Variants in LIFR observed in about 807,000 individuals in gnomAD.
LIFR encodes LIF receptor subunit alpha, also known as leukemia inhibitory factor receptor.
LIFR carries 84 observed loss-of-function variants against 122.2 expected under a neutral mutation model. The ratio of observed to expected loss-of-function variants is 0.69; its 90% CI spans 0.58 to 0.82. The LOEUF is 0.82. Ranked by LOEUF, LIFR falls within the 40% of genes least tolerant of loss-of-function variation. The pLI is 0.00. For synonymous variants in LIFR, 422 were observed against 434.7 expected (o/e 0.97, Z 0.36); for missense variants, 1,294 against 1,311.6 (o/e 0.99, Z 0.21).
intron 1 of LIFR, among the ~76,000 whole-genome samples, chr5:38,583,808 A>G (rs1310742087): frequency 1.3e-5 from 2 of 152,196 alleles, no homozygotes; most frequent in African/African-American, 4.8e-5. Context: ...GGAGGGATCC[A>G]GTGGGAGATA....
chr5:38,607,195 G>C (rs890850920), intron 1 of LIFR, among the ~76,000 whole-genome samples: 1 of 152,060 alleles, frequency 6.6e-6, no homozygotes, highest in Non-Finnish European at 1.5e-5. Flanking sequence ...TCTTAGAATC[G>C]TCTTATATTT....
chr5:38,539,241 G>A (rs1224132728), intron 1 of LIFR, among the ~76,000 whole-genome samples: 5 of 152,104 alleles, frequency 3.3e-5, no homozygotes, highest in Non-Finnish European at 5.9e-5. Flanking sequence ...GAGCCACCGC[G>A]CCCGGCCTTC....
chr5:38,571,304 C>T (rs1749199726), intron 1 of LIFR, among the ~76,000 whole-genome samples: 1 of 152,178 alleles, frequency 6.6e-6, no homozygotes, highest in East Asian at 1.9e-4. Flanking sequence ...GTAAGCCCAG[C>T]ACTTTGGGAG....
chr5:38,547,815 CCTAG>C (rs1380326415), intron 1 of LIFR, among the ~76,000 whole-genome samples: 2 of 152,098 alleles, frequency 1.3e-5, no homozygotes, highest in Non-Finnish European at 2.9e-5. Flanking sequence ...CTACTAGACA[CCTAG>C]GCTATATGGT....
Position 38,493,679 on chromosome 5 carries a change from C to T in LIFR, c.1992G>A (p.Ser664=), listed in dbSNP as rs142392717. The change falls in exon 14 of 20, where the codon TCG becomes TCA. Residue 664 remains serine (S), a synonymous_variant. Coordinates refer to ENST00000453190, the MANE Select transcript of LIFR (RefSeq NM_001127671.2). The part of the protein sequence containing the change: ...TCDYVIKWCN[S]SRSEPCLMDW... ...CCATAAGGCATGGTTCCGACCGAGA[C>T]GAGTTACACCACTTAATGACGTAGT... 6.4e-5 allele frequency: 103 copies of T among 1,614,050 alleles called. No individual in the cohort carries two copies. Among genetic ancestry groups the T allele is most frequent in the Admixed American group, 1.0e-4 (6 of 60,004 alleles).
chr5:38,504,977 C>T (rs1398956370), intron 9 of LIFR, among the ~76,000 whole-genome samples: 3 of 152,276 alleles, frequency 2.0e-5, no homozygotes, highest in Non-Finnish European at 4.4e-5. Flanking sequence ...TAGGCCGTTG[C>T]TCAGTGTGCT....
intron 1 of LIFR, among the ~76,000 whole-genome samples, chr5:38,575,339 TA>T (rs1749349440): frequency 6.6e-6 from 1 of 152,226 alleles, no homozygotes; most frequent in Admixed American, 6.5e-5. Context: ...GTTTAGCTTA[TA>T]AAAATTCACC....
chr5:38,557,283 G>A (rs1334815711), upstream of LIFR: 1 of 152,190 alleles, frequency 6.6e-6, no homozygotes, highest in Non-Finnish European at 1.5e-5. Context: ...GCTTATTTGT[G>A]CGGAGAAGAA....
chr5:38,552,597 TCA>T (rs1300572461), intron 1 of LIFR, among the ~76,000 whole-genome samples: 1 of 152,182 alleles, frequency 6.6e-6, no homozygotes, highest in Non-Finnish European at 1.5e-5. Flanking sequence ...ATAAAAATGC[TCA>T]CCTTTCTGAA....
chr5:38,589,366 T>C (rs1749852691), intron 1 of LIFR, among the ~76,000 whole-genome samples: 1 of 152,216 alleles, frequency 6.6e-6, no homozygotes, highest in Non-Finnish European at 1.5e-5. Context: ...GTAATGCTTA[T>C]GTTATACTTT....
chr5:38,530,371 G>A (rs1398697024), intron 2 of LIFR, 135 bp downstream of exon 2: 5 of 660,412 alleles, frequency 7.6e-6, no homozygotes, highest in African/African-American at 6.1e-5. Context: ...AAAGTACATA[G>A]AAAAAAGATG....
chr5:38,602,563 G>A (rs547960051), intron 2 of LIFR, among the ~76,000 whole-genome samples: 23 of 151,806 alleles, frequency 1.5e-4, no homozygotes, highest in African/African-American at 4.1e-4. Context: ...CAGCATTAGC[G>A]GGCTAAATTC....
chr5:38,549,123 A>G (rs762782832), intron 1 of LIFR, among the ~76,000 whole-genome samples: 1 of 152,176 alleles, frequency 6.6e-6, no homozygotes, highest in African/African-American at 2.4e-5. Flanking sequence ...GGCATGCTTT[A>G]TGTGTGGGAA....
chr5:38,596,986 C>G (rs1044872441), upstream of LIFR, among the ~76,000 whole-genome samples: 2 of 152,304 alleles, frequency 1.3e-5, no homozygotes, highest in Non-Finnish European at 2.9e-5. Flanking sequence ...TTTTGGGGAG[C>G]CTTTCTGGGA....
chr5:38,494,018 G>C (rs974469009), intron 13 of LIFR, among the ~76,000 whole-genome samples: 1 of 152,122 alleles, frequency 6.6e-6, no homozygotes, highest in Non-Finnish European at 1.5e-5. Flanking sequence ...AAAGAAAGTC[G>C]TTTTTAAAAA....
At chr5:38,534,443 G>A (rs1303654533) in intron 1 of LIFR, among the ~76,000 whole-genome samples, 1 of 152,178 alleles carries the variant, frequency 6.6e-6, no homozygotes, top group African/African-American at 2.4e-5. Flanking sequence ...TAGCTTTTCA[G>A]AAAGAGGGAA....
At chr5:38,532,586 C>T (rs1409236358) in intron 1 of LIFR, among the ~76,000 whole-genome samples, 3 of 152,096 alleles carry the variant, frequency 2.0e-5, no homozygotes, top group African/African-American at 7.2e-5. Context: ...GAAGGATCAA[C>T]GGCAGTGTCA....
chr5:38,496,637 T>G, intron 12 of LIFR, 42 bp from the exon 13 acceptor site: 2 of 1,406,042 alleles, frequency 1.4e-6, no homozygotes, highest in Non-Finnish European at 2.0e-6. Context: ...CTGCAAAACG[T>G]GACTGTGACT....
At chr5:38,509,635 A>G (rs1745687108) in intron 7 of LIFR, among the ~76,000 whole-genome samples, 2 of 152,214 alleles carry the variant, frequency 1.3e-5, no homozygotes, top group South Asian at 4.1e-4. Flanking sequence ...TATCTTATAC[A>G]CATTATTCAG....
Sources: gnomAD v4.1 joint callset for allele counts (sites outside exome capture counted in the v4.1 genomes callset) on GRCh38, gnomAD v4.1.1 for gene constraint, MANE v1.5 for transcripts, NCBI Gene and HGNC (gene_info 2026-07-23, HGNC 2026-07-21) for gene names.